CAMK1D: variants seen among roughly 807,000 people sequenced by gnomAD.
CAMK1D encodes the protein calcium/calmodulin dependent protein kinase ID, also known as calcium/calmodulin-dependent protein kinase type 1D.
A neutral mutation model predicts 47.7 loss-of-function variants in CAMK1D; 9 were observed. The ratio of observed to expected loss-of-function variants is 0.19; its 90% confidence interval spans 0.11 to 0.33. The LOEUF is 0.33. Ranked by LOEUF, CAMK1D falls within the 10% of genes least tolerant of loss-of-function variation. CAMK1D has a pLI of 1.00. For missense variants in CAMK1D, 291 were observed against 488.7 expected (o/e 0.60, Z 3.81); for synonymous variants, 184 against 184.9 (o/e 0.99, Z 0.04).
intron 1 of CAMK1D, among the ~76,000 whole-genome samples, chr10:12,439,894 T>C (rs1832735710): frequency 6.6e-6 from 1 of 152,174 alleles, no homozygotes; most frequent in African/African-American, 2.4e-5. Flanking sequence ...ACATCTTACA[T>C]GGCGGCAGGC....
chr10:12,410,384 G>A (rs1005781973), intron 1 of CAMK1D, among the ~76,000 whole-genome samples: 1 of 152,172 alleles, frequency 6.6e-6, no homozygotes, highest in Non-Finnish European at 1.5e-5. Flanking sequence ...GATAATACAG[G>A]TGCAGGGGTG....
intron 1 of CAMK1D, among the ~76,000 whole-genome samples, chr10:12,474,867 AT>A (rs34774331): frequency 0.22 from 32,187 of 148,546 alleles, 4,063 homozygotes; most frequent in East Asian, 0.5. Flanking sequence ...GCGTTCCTGC[AT>A]TTTTTTTTTT....
chr10:12,543,634 C>T (rs762407516), intron 1 of CAMK1D, among the ~76,000 whole-genome samples: 1 of 152,154 alleles, frequency 6.6e-6, no homozygotes, highest in Non-Finnish European at 1.5e-5. Context: ...GGATAAAAAA[C>T]CAGTTCACAA....
chr10:12,503,156 A>G (rs1366484692), intron 1 of CAMK1D, among the ~76,000 whole-genome samples: 1 of 152,156 alleles, frequency 6.6e-6, no homozygotes, highest in East Asian at 1.9e-4. Context: ...GAATATATGC[A>G]TGTGCATGTG....
At chr10:12,530,146 T>C (rs149742814) in intron 1 of CAMK1D, among the ~76,000 whole-genome samples, 64 of 152,298 alleles carry the variant, frequency 4.2e-4, no homozygotes, top group African/African-American at 1.4e-3. Flanking sequence ...GTGTTGGGAT[T>C]TGGATCAAGG....
At chr10:12,817,382 C>G (rs1390920444) in intron 8 of CAMK1D, among the ~76,000 whole-genome samples, 1 of 152,106 alleles carries the variant, frequency 6.6e-6, no homozygotes, top group South Asian at 2.1e-4. Context: ...AGATGCTTTT[C>G]GAATTTGTGT....
At chr10:12,545,744 G>C (rs1237104374) in intron 1 of CAMK1D, among the ~76,000 whole-genome samples, 1 of 150,510 alleles carries the variant, frequency 6.6e-6, no homozygotes, top group African/African-American at 2.5e-5. Context: ...AGGTTGCAGT[G>C]AGCCACGATG....
chr10:12,511,260 G>GT (rs1835030123), intron 1 of CAMK1D, among the ~76,000 whole-genome samples: 1 of 152,094 alleles, frequency 6.6e-6, no homozygotes, highest in Non-Finnish European at 1.5e-5. Context: ...GAGGCCAGAG[G>GT]TTTTCAACTG....
intron 1 of CAMK1D, among the ~76,000 whole-genome samples, chr10:12,542,838 C>T (rs191560051): frequency 1.6e-3 from 236 of 152,120 alleles, no homozygotes; most frequent in African/African-American, 5.3e-3. Flanking sequence ...CTCCGCCTCC[C>T]GGGTTTGAGC....
In CAMK1D at chr10:12,663,688, T is replaced by C. The variant is rs1051388537; in HGVS notation, c.225-3048T>C. ...ATGGCAGGCACCCAACAGATATTTA[T>C]TGAATGAATAATGAAAAGAGGAAAT... On this transcript the variant is annotated intron_variant, in intron 2 of 10. Coordinates refer to ENST00000619168, the MANE Select transcript of CAMK1D (RefSeq NM_153498.4). Among the ~76,000 whole-genome samples the C allele has an allele frequency of 3.3e-5, 5 of 152,162 alleles. No individual in the cohort carries two copies. The South Asian group carries it at 6.2e-4, about 19-fold the overall frequency.
intron 1 of CAMK1D, among the ~76,000 whole-genome samples, chr10:12,472,960 A>G (rs1036284338): frequency 3.9e-5 from 6 of 152,186 alleles, no homozygotes; most frequent in African/African-American, 1.4e-4. Flanking sequence ...AAGCTGAAAT[A>G]TCCATGTGGG....
At chr10:12,587,268 T>C (rs1445016033) in intron 2 of CAMK1D, among the ~76,000 whole-genome samples, 1 of 152,176 alleles carries the variant, frequency 6.6e-6, no homozygotes, top group Admixed American at 6.6e-5. Flanking sequence ...ACGATCGCTT[T>C]CCTAGAATAT....
intron 1 of CAMK1D, among the ~76,000 whole-genome samples, chr10:12,537,340 A>G (rs561790666): frequency 3.9e-5 from 6 of 152,314 alleles, no homozygotes; most frequent in African/African-American, 1.4e-4. Flanking sequence ...CCAAAGTGGT[A>G]GGATTGCAGA....
At chr10:12,570,152 A>T (rs1027888862) in intron 2 of CAMK1D, among the ~76,000 whole-genome samples, 2 of 152,004 alleles carry the variant, frequency 1.3e-5, no homozygotes, top group Admixed American at 6.6e-5. Context: ...ATGACCTGAG[A>T]TCGCGCCACT....
chr10:12,586,428 G>T (rs1389576417), intron 2 of CAMK1D, among the ~76,000 whole-genome samples: 2 of 124,938 alleles, frequency 1.6e-5, no homozygotes, highest in African/African-American at 6.0e-5. Flanking sequence ...CAGCCTGGGC[G>T]ACAGAGCAAG....
chr10:12,652,838 C>A (rs1193046531), intron 2 of CAMK1D, among the ~76,000 whole-genome samples: 1 of 152,188 alleles, frequency 6.6e-6, no homozygotes, highest in African/African-American at 2.4e-5. Flanking sequence ...GTATTACACA[C>A]CCCTCGTTTA....
chr10:12,355,601 C>T (rs540925722), intron 1 of CAMK1D, among the ~76,000 whole-genome samples: 15 of 151,834 alleles, frequency 9.9e-5, no homozygotes, highest in African/African-American at 1.4e-4. Flanking sequence ...TTTGAGAGTC[C>T]GTGAGAAGCA....
intron 2 of CAMK1D, among the ~76,000 whole-genome samples, chr10:12,604,923 T>G (rs1044838617): frequency 6.6e-6 from 1 of 151,582 alleles, no homozygotes; most frequent in African/African-American, 2.4e-5. Flanking sequence ...AGTCTCACTC[T>G]GTCGCCCAGG....
chr10:12,772,036 GAA>G (rs35859252), intron 5 of CAMK1D, among the ~76,000 whole-genome samples: 50 of 145,388 alleles, frequency 3.4e-4, no homozygotes, highest in East Asian at 6.1e-4. Flanking sequence ...GCTATCTCAG[GAA>G]AAAAAAAAAA....
Sources: allele counts gnomAD v4.1 joint callset (sites outside exome capture counted in the v4.1 genomes callset), GRCh38; gene constraint gnomAD v4.1.1; transcripts MANE v1.5; gene names NCBI Gene and HGNC (gene_info 2026-07-23, HGNC 2026-07-21).